The following LARP4 variants were observed in gnomAD, a reference collection of about 807,000 sequenced individuals.
The protein encoded by LARP4 is la-related protein 4.
Under a neutral mutation model 92.9 loss-of-function variants are expected in LARP4, and 29 were observed. The ratio of observed to expected loss-of-function variants is 0.31; its 90% CI spans 0.23 to 0.43. The LOEUF (loss-of-function observed/expected upper bound fraction) is 0.43. Ranked by LOEUF, LARP4 falls within the 20% of genes least tolerant of loss-of-function variation. The pLI, the probability that LARP4 is intolerant of heterozygous loss-of-function variation, is 1.00. For synonymous variants in LARP4, 279 were observed against 284.1 expected (o/e 0.98, Z 0.18); for missense variants, 732 against 860.0 (o/e 0.85, Z 1.86).
At position 50,439,308 on chromosome 12, in the gene LARP4, A is replaced by T. The variant is rs12315616; in HGVS notation, c.640-1131A>T. 2.1e-3 allele frequency among the ~76,000 whole-genome samples: 315 copies of T among 152,348 alleles called. 1 individual carries two copies. Among genetic ancestry groups the T allele is most frequent in the African/African-American group, 6.6e-3 (276 of 41,586 alleles). On this transcript the variant is annotated intron_variant, in intron 6 of 15. Transcript: ENST00000398473. ...TAAAGAGTTCATACACATGAAAAAC[A>T]GTAAATAAAACAAGGTACCAAATGT...
rs1957727854 is a variant in LARP4, at chr12:50,479,227, T to G, written c.*3363T>G. The G allele has an allele frequency of 6.6e-6, 1 of 152,644 alleles. No individual in the cohort carries two copies. Among genetic ancestry groups the G allele is most frequent in the Non-Finnish European group, 1.5e-5 (1 of 68,022 alleles). The allele number at this position is 152,644 out of a possible 1,614,324, so 9.5% of individuals were successfully genotyped here. The stretch of plus-strand genomic sequence containing the variant: ...TGACACAGTTGAACAACACTGGGGT[T>G]AAGTCTCTGGTATTTAGGCTGGCAA... On this transcript the variant is annotated 3_prime_UTR_variant, in exon 16 of 16. Transcript: ENST00000398473.
intron 13 of LARP4, among the ~76,000 whole-genome samples, chr12:50,473,120 T>C (rs1244833379): frequency 6.6e-6 from 1 of 152,118 alleles, no homozygotes; most frequent in Non-Finnish European, 1.5e-5. Flanking sequence ...GCGCCCAGCC[T>C]ATTTAACTTT....
rs1453270777 is a variant in LARP4 at position 50,463,430 on chromosome 12, A to C, written c.1383+800A>C. Among the ~76,000 whole-genome samples the C allele has an allele frequency of 3.7e-4, 55 of 148,704 alleles. 1 individual carries two copies. Among genetic ancestry groups the C allele is most frequent in the African/African-American group, 1.2e-3 (49 of 40,176 alleles). On this transcript the variant is annotated intron_variant, in intron 12 of 15. Coordinates refer to ENST00000398473, the MANE Select transcript of LARP4 (RefSeq NM_052879.5). The stretch of plus-strand genomic sequence containing the variant: ...GAAACCCCATCTCTCCAAAAAAAAA[A>C]AAAAAAAAAAAAAAAAAATTAGCCA...
chr12:50,456,817 A>G (rs939029027), intron 10 of LARP4, among the ~76,000 whole-genome samples: 1 of 152,224 alleles, frequency 6.6e-6, no homozygotes, highest in African/African-American at 2.4e-5. Context: ...CCTTAAGCAT[A>G]TTGAAATGTA....
chr12:50,418,613 G>C (rs1471535820), intron 1 of LARP4, among the ~76,000 whole-genome samples: 1 of 152,062 alleles, frequency 6.6e-6, no homozygotes, highest in Non-Finnish European at 1.5e-5. Context: ...TAGAGACAGG[G>C]TTGTGCCACG....
At chr12:50,459,776 A>G (rs949838875) in intron 10 of LARP4, among the ~76,000 whole-genome samples, 6 of 145,232 alleles carry the variant, frequency 4.1e-5, no homozygotes, top group African/African-American at 1.3e-4. Context: ...GTGACCTGAG[A>G]TCGCGCCATT....
chr12:50,403,570 G>C (rs953004065), intron 1 of LARP4, among the ~76,000 whole-genome samples: 1 of 152,206 alleles, frequency 6.6e-6, no homozygotes, highest in African/African-American at 2.4e-5. Context: ...AAAAAACGGA[G>C]AAGAGATCCA....
At chr12:50,447,966 C>G (rs574771423) in intron 8 of LARP4, among the ~76,000 whole-genome samples, 1 of 152,092 alleles carries the variant, frequency 6.6e-6, no homozygotes, top group South Asian at 2.1e-4. Flanking sequence ...CTCCCAGGTT[C>G]AAGGAGTTCT....
At chr12:50,401,114 C>T in intron 1 of LARP4, 86 bp downstream of exon 1, 1 of 1,502,274 alleles carries the variant, frequency 6.7e-7, no homozygotes, top group African/African-American at 1.4e-5. Context: ...TGTGACTTTC[C>T]GGGCCGTACA....
At chr12:50,442,145 T>C (rs1951312648) in intron 8 of LARP4, among the ~76,000 whole-genome samples, 1 of 152,230 alleles carries the variant, frequency 6.6e-6, no homozygotes, top group South Asian at 2.1e-4. Context: ...AGCAATTCTT[T>C]ACAAAGGGGT....
intron 1 of LARP4, among the ~76,000 whole-genome samples, chr12:50,405,416 TA>T (rs1334021779): frequency 6.6e-6 from 1 of 151,198 alleles, no homozygotes; most frequent in South Asian, 2.1e-4. Context: ...GATAGTAATT[TA>T]AAAAAATTTT....
chr12:50,432,844 G>C (rs1185366907), intron 4 of LARP4, among the ~76,000 whole-genome samples: 1 of 139,690 alleles, frequency 7.2e-6, no homozygotes, highest in Non-Finnish European at 1.5e-5. Context: ...TGGGGAATAA[G>C]AGCGAGACTT....
intron 8 of LARP4, among the ~76,000 whole-genome samples, chr12:50,448,139 A>G (rs1952530923): frequency 6.6e-6 from 1 of 152,234 alleles, no homozygotes; most frequent in Non-Finnish European, 1.5e-5. Context: ...TGCTGGGATT[A>G]CAGGAGTGAG....
intron 12 of LARP4, among the ~76,000 whole-genome samples, chr12:50,463,263 C>T (rs547954375): frequency 3.2e-4 from 48 of 151,204 alleles, no homozygotes; most frequent in Non-Finnish European, 1.0e-4. Flanking sequence ...CCAAGCAGAA[C>T]GGTCAGGACA....
At position 50,438,765 on chromosome 12, in the gene LARP4, ATGACAGGAGTTTGGGTT is replaced by A. The variant is rs1196549315; in HGVS notation, c.639+931_639+947del. The stretch of plus-strand genomic sequence containing the variant: ...TGCTCAAGGATACAAGGGCTCTTAA[ATGACAGGAGTTTGGGTT>A]TGAACATGATCTCTCTGATTCTAAA... On this transcript the variant is annotated intron_variant, in intron 6 of 15. Coordinates refer to ENST00000398473, the MANE Select transcript of LARP4 (RefSeq NM_052879.5). Among the ~76,000 whole-genome samples the A allele has an allele frequency of 2.6e-5, 4 of 152,194 alleles. No homozygotes were observed. The East Asian group carries it at 7.7e-4, about 29-fold the overall frequency.
chr12:50,419,740 T>C (rs531782957), intron 1 of LARP4, among the ~76,000 whole-genome samples: 1 of 152,068 alleles, frequency 6.6e-6, no homozygotes, highest in South Asian at 2.1e-4. Flanking sequence ...ACCCCATCTC[T>C]ACAAAAACAA....
rs1224429640 is a variant in LARP4 at position 50,436,123 on chromosome 12, A to ATG, written c.535+515_535+516dup. Among the ~76,000 whole-genome samples, 432 of 113,176 alleles carry ATG rather than the reference A, an allele frequency of 3.8e-3. 2 individuals carry two copies. Among genetic ancestry groups the ATG allele is most frequent in the Non-Finnish European group, 4.0e-3 (222 of 55,972 alleles). The allele number at this position is 113,176 out of a possible 152,430, so 74.2% of individuals were successfully genotyped here. On this transcript the variant is annotated intron_variant, in intron 5 of 15. Coordinates refer to ENST00000398473, the MANE Select transcript of LARP4 (RefSeq NM_052879.5). ...GCTGGTGTGTGTGTGTGTGTGTGATATGTGTGTGTGTGTGTGTATATATCC... is the reference window on the plus strand; with the variant it reads ...GCTGGTGTGTGTGTGTGTGTGTGATATGTGTGTGTGTGTGTGTGTATATATCC...
At chr12:50,451,804 T>A (rs1167819812) in intron 8 of LARP4, among the ~76,000 whole-genome samples, 1 of 151,662 alleles carries the variant, frequency 6.6e-6, no homozygotes, top group African/African-American at 2.4e-5. Context: ...GTCATTGCAC[T>A]TCAGTCTGGG....
intron 1 of LARP4, among the ~76,000 whole-genome samples, chr12:50,426,732 G>GTGTGTGGT (rs1948838581): frequency 4.0e-4 from 21 of 52,100 alleles, no homozygotes; most frequent in South Asian, 1.5e-3. Context: ...TGTGTGTGTG[G>GTGTGTGGT]TTTTTTTTTT....
Sources: gnomAD v4.1 joint callset for allele counts (sites outside exome capture counted in the v4.1 genomes callset) on GRCh38, gnomAD v4.1.1 for gene constraint, MANE v1.5 for transcripts, NCBI Gene and HGNC (gene_info 2026-07-23, HGNC 2026-07-21) for gene names.